Variants in TM9SF3 observed in about 807,000 individuals in gnomAD.
TM9SF3 encodes transmembrane 9 superfamily member 3, also known as SM-11044-binding protein.
TM9SF3 carries 14 observed loss-of-function variants against 78.6 expected under a neutral mutation model. That is an observed-to-expected ratio of 0.18 (90% CI 0.12 to 0.28). TM9SF3 has a LOEUF of 0.28. TM9SF3 is among the 10% of genes least tolerant of loss of function. TM9SF3 has a pLI of 1.00. For synonymous variants in TM9SF3, 231 were observed against 241.7 expected, an observed-to-expected ratio of 0.96 and a Z score of 0.41; for missense variants, 496 against 721.9, an observed-to-expected ratio of 0.69 and a Z score of 3.59.
chr10:96,533,013 G>A (rs1475264807), intron 10 of TM9SF3, 38 bp downstream of exon 10: 1 of 1,610,956 alleles, frequency 6.2e-7, no homozygotes, highest in Middle Eastern at 1.7e-4. Context: ...CTTATATATT[G>A]TGTGAAACAA....
At chr10:96,579,071 C>A (rs1848531059) in intron 1 of TM9SF3, among the ~76,000 whole-genome samples, 1 of 152,184 alleles carries the variant, frequency 6.6e-6, no homozygotes, top group Non-Finnish European at 1.5e-5. Flanking sequence ...GGGCGAGACT[C>A]AGTCTCACAA....
intron 7 of TM9SF3, 38 bp downstream of exon 7, chr10:96,551,207 A>G (rs1270759157): frequency 1.3e-6 from 2 of 1,491,972 alleles, no homozygotes; most frequent in Non-Finnish European, 1.8e-6. Flanking sequence ...CTATTTAAGA[A>G]CAATAAAGAC....
At chr10:96,556,039 T>C (rs951990210) in intron 5 of TM9SF3, among the ~76,000 whole-genome samples, 1 of 152,208 alleles carries the variant, frequency 6.6e-6, no homozygotes, top group Non-Finnish European at 1.5e-5. Flanking sequence ...ACTATTATAA[T>C]GTAGTAATAA....
intron 11 of TM9SF3, among the ~76,000 whole-genome samples, chr10:96,530,038 A>G (rs1304546539): frequency 6.6e-6 from 1 of 152,202 alleles, no homozygotes; most frequent in African/African-American, 2.4e-5. Context: ...TGTAAAGCAC[A>G]GTAAGTGGCA....
intron 8 of TM9SF3, among the ~76,000 whole-genome samples, chr10:96,545,515 T>C (rs979137208): frequency 3.9e-5 from 6 of 152,216 alleles, no homozygotes; most frequent in Non-Finnish European, 8.8e-5. Flanking sequence ...AATTAAAGTA[T>C]TACTTCTATT....
At chr10:96,536,558 T>A (rs892088206) in intron 9 of TM9SF3, among the ~76,000 whole-genome samples, 4 of 152,088 alleles carry the variant, frequency 2.6e-5, no homozygotes, top group African/African-American at 9.7e-5. Context: ...AAAGCCAATA[T>A]CCTAAAAAAC....
chr10:96,555,855 C>A (rs1409353210), intron 5 of TM9SF3, among the ~76,000 whole-genome samples: 3 of 152,036 alleles, frequency 2.0e-5, no homozygotes, highest in Non-Finnish European at 2.9e-5. Flanking sequence ...GAGATGTTAA[C>A]CCAGAAAAGC....
At chr10:96,549,263 C>G (rs1326940955) in intron 7 of TM9SF3, among the ~76,000 whole-genome samples, 1 of 152,154 alleles carries the variant, frequency 6.6e-6, no homozygotes, top group Non-Finnish European at 1.5e-5. Context: ...ATTATCTGCT[C>G]TTTATCCTTT....
At chr10:96,537,153 A>G (rs1006281507) in intron 9 of TM9SF3, among the ~76,000 whole-genome samples, 2 of 152,200 alleles carry the variant, frequency 1.3e-5, no homozygotes, top group Non-Finnish European at 2.9e-5. Context: ...CCCAAACCTC[A>G]TATTGTTCAA....
rs756769804 is a variant in TM9SF3 at position 96,565,310 on chromosome 10, T to C, written c.415A>G (p.Ile139Val). Residue 139 changes from isoleucine to valine, a missense_variant, in exon 3 of 15, where the codon ATA becomes GTA. Physicochemically the swap from Ile to Val is conservative, Grantham distance 29 (BLOSUM62 3). Transcript: ENST00000371142. Reference sequence around the variant, plus strand: ...TACAACATACAATACTTACCCCATATTGGTAAATCATCTATGTACATCTGG... The same window carrying C: ...TACAACATACAATACTTACCCCATACTGGTAAATCATCTATGTACATCTGG... Reference protein sequence around the residue: ...WYQMYIDDLPIWGIVGEADEN... With the variant: ...WYQMYIDDLPVWGIVGEADEN... 2.6e-6 allele frequency: 4 copies of C among 1,541,346 alleles called. No homozygotes were observed. Among genetic ancestry groups the C allele is most frequent in the Non-Finnish European group, 2.6e-6 (3 of 1,156,106 alleles).
chr10:96,552,702 C>T (rs12255771), intron 6 of TM9SF3, among the ~76,000 whole-genome samples: 5,031 of 152,184 alleles, frequency 0.033, 278 homozygotes, highest in African/African-American at 0.11. Flanking sequence ...ATTTATCCCA[C>T]TTCGGGTGAA....
chr10:96,573,719 A>C (rs1284771354), intron 2 of TM9SF3, among the ~76,000 whole-genome samples: 1 of 152,214 alleles, frequency 6.6e-6, no homozygotes, highest in Non-Finnish European at 1.5e-5. Flanking sequence ...ACTGGTACCA[A>C]AACAGATATA....
At chr10:96,526,996 G>A (rs1469725186) in intron 14 of TM9SF3, among the ~76,000 whole-genome samples, 1 of 152,000 alleles carries the variant, frequency 6.6e-6, no homozygotes, top group East Asian at 1.9e-4. Context: ...GAAATTCTGT[G>A]CTATACAGAA....
chr10:96,540,715 A>T (rs1396739949), intron 9 of TM9SF3, among the ~76,000 whole-genome samples: 1 of 150,488 alleles, frequency 6.6e-6, no homozygotes, highest in Non-Finnish European at 1.5e-5. Context: ...AGCGTTTGTG[A>T]ACAGCTCACC....
intron 4 of TM9SF3, among the ~76,000 whole-genome samples, chr10:96,561,253 TAAAA>T (rs11309165): frequency 1.3e-5 from 2 of 151,930 alleles, no homozygotes; most frequent in East Asian, 3.9e-4. Context: ...GAATGAATAA[TAAAA>T]AAAAATCTGT....
At chr10:96,558,161 T>A (rs1017974189) in intron 5 of TM9SF3, among the ~76,000 whole-genome samples, 7 of 152,182 alleles carry the variant, frequency 4.6e-5, no homozygotes, top group Non-Finnish European at 1.0e-4. Context: ...GTTCCAGTAG[T>A]GAGTGCCAGT....
chr10:96,557,218 G>A (rs1043985913), intron 5 of TM9SF3, among the ~76,000 whole-genome samples: 6 of 152,128 alleles, frequency 3.9e-5, no homozygotes, highest in South Asian at 4.1e-4. Context: ...CCAATTTGCC[G>A]GTCAATATCT....
chr10:96,539,298 G>A (rs1451098890), intron 9 of TM9SF3, among the ~76,000 whole-genome samples: 1 of 97,254 alleles, frequency 1.0e-5, no homozygotes, highest in African/African-American at 4.7e-5. Flanking sequence ...TGGTGAAACT[G>A]TTTGAGCCGA....
Position 96,530,555 on chromosome 10 carries a change from G to T in TM9SF3, c.1379C>A (p.Ser460Ter). The T allele has an allele frequency of 6.2e-7, 1 of 1,611,932 alleles. No individual in the cohort carries two copies. Among genetic ancestry groups the T allele is most frequent in the South Asian group, 1.1e-5 (1 of 90,730 alleles). The change falls in exon 11 of 15, where the codon TCA becomes TAA. Residue 460 changes from serine to a stop codon, truncating the protein, a stop_gained. Coordinates refer to ENST00000371142, the MANE Select transcript of TM9SF3 (RefSeq NM_020123.4). LOFTEE classifies it high-confidence loss of function. ...VCLGGILPFG[S>*]IFIEMYFIFT... is the part of the protein sequence containing the mutation. ...CAAAACTTACATTTCAATAAAGATT[G>T]AACCAAAAGGTAAAATTCCACCCAG...
Sources: allele counts gnomAD v4.1 joint callset (sites outside exome capture counted in the v4.1 genomes callset), GRCh38; gene constraint gnomAD v4.1.1; transcripts MANE v1.5; gene names NCBI Gene and HGNC (gene_info 2026-07-23, HGNC 2026-07-21).